FSHR: variants seen among roughly 807,000 people sequenced by gnomAD.
The protein encoded by FSHR is follicle stimulating hormone receptor.
In FSHR, 46 loss-of-function variants were observed where a neutral mutation model predicts 52.1. That is an observed-to-expected ratio of 0.88 (90% CI 0.70 to 1.13). FSHR has a LOEUF of 1.13. FSHR is among the 50% of genes most tolerant of loss of function. FSHR has a pLI of 0.00. For missense variants in FSHR, 964 were observed against 834.6 expected, an observed-to-expected ratio of 1.16 and a Z score of -1.91; for synonymous variants, 399 against 309.6, an observed-to-expected ratio of 1.29 and a Z score of -3.03.
intron 2 of FSHR, among the ~76,000 whole-genome samples, chr2:49,032,787 C>A (rs1378385715): frequency 6.6e-6 from 1 of 152,180 alleles, no homozygotes; most frequent in East Asian, 1.9e-4. Flanking sequence ...GCACGCAATG[C>A]AGCATACTGG....
At chr2:49,068,670 C>T (rs1007735700) in intron 1 of FSHR, among the ~76,000 whole-genome samples, 5 of 152,088 alleles carry the variant, frequency 3.3e-5, no homozygotes, top group African/African-American at 1.2e-4. Flanking sequence ...TTGTCATTCT[C>T]AGCTGACCTT....
intron 1 of FSHR, among the ~76,000 whole-genome samples, chr2:49,134,335 C>T (rs916183228): frequency 2.0e-5 from 3 of 152,196 alleles, no homozygotes; most frequent in African/African-American, 7.2e-5. Flanking sequence ...CACTGGCCAT[C>T]AGAGAAATGC....
chr2:49,046,150 A>G (rs1668645698), intron 2 of FSHR, among the ~76,000 whole-genome samples: 1 of 152,206 alleles, frequency 6.6e-6, no homozygotes, highest in South Asian at 2.1e-4. Context: ...GGTGTGGGAG[A>G]TTAATGAGCT....
chr2:49,058,249 A>T (rs888733578), intron 2 of FSHR, among the ~76,000 whole-genome samples: 1 of 152,144 alleles, frequency 6.6e-6, no homozygotes, highest in Non-Finnish European at 1.5e-5. Context: ...TAAATGACAT[A>T]TTATACATGG....
intron 1 of FSHR, among the ~76,000 whole-genome samples, chr2:49,131,976 A>G (rs1285502497): frequency 6.6e-6 from 1 of 151,980 alleles, no homozygotes; most frequent in Non-Finnish European, 1.5e-5. Flanking sequence ...TGCCCATCCT[A>G]TCCTTATGTT....
chr2:48,971,589 A>G (rs1674744226), intron 8 of FSHR, among the ~76,000 whole-genome samples: 1 of 152,156 alleles, frequency 6.6e-6, no homozygotes, highest in Non-Finnish European at 1.5e-5. Context: ...ATGTGTGTGT[A>G]TTTTATACAT....
intron 1 of FSHR, among the ~76,000 whole-genome samples, chr2:49,098,653 A>G (rs113301654): frequency 6.6e-6 from 1 of 150,878 alleles, no homozygotes. Context: ...CAGAGAAAGA[A>G]CATATTAAGA....
chr2:49,041,982 A>G (rs1306257977), intron 2 of FSHR, among the ~76,000 whole-genome samples: 1 of 152,116 alleles, frequency 6.6e-6, no homozygotes, highest in African/African-American at 2.4e-5. Context: ...TGTGTCTATA[A>G]GAAATACAAA....
intron 1 of FSHR, among the ~76,000 whole-genome samples, chr2:49,136,569 TAC>T (rs1672497039): frequency 6.6e-6 from 1 of 152,080 alleles, no homozygotes; most frequent in Non-Finnish European, 1.5e-5. Flanking sequence ...CAAGTAAAAC[TAC>T]AGACTAGTAT....
At chr2:49,089,769 T>C (rs1373403420) in intron 1 of FSHR, among the ~76,000 whole-genome samples, 1 of 152,168 alleles carries the variant, frequency 6.6e-6, no homozygotes, top group Admixed American at 6.5e-5. Flanking sequence ...ATCTAAAAAA[T>C]AAATATTCCT....
intron 2 of FSHR, among the ~76,000 whole-genome samples, chr2:49,024,700 C>A (rs540373123): frequency 6.6e-6 from 1 of 152,276 alleles, no homozygotes; most frequent in East Asian, 1.9e-4. Context: ...CCTCCCCTGC[C>A]TTTCTCTTCA....
intron 4 of FSHR, among the ~76,000 whole-genome samples, chr2:49,003,135 G>A (rs572749391): frequency 2.0e-5 from 3 of 152,202 alleles, no homozygotes; most frequent in East Asian, 1.9e-4. Context: ...ACATTTTTGC[G>A]ATGTCTGTTG....
chr2:49,130,572 A>C (rs1476049269), intron 1 of FSHR, among the ~76,000 whole-genome samples: 3 of 152,232 alleles, frequency 2.0e-5, no homozygotes, highest in Non-Finnish European at 4.4e-5. Flanking sequence ...TCATTTATTC[A>C]AAGATATCTC....
chr2:48,970,441 C>G (rs1048884760), intron 8 of FSHR, among the ~76,000 whole-genome samples: 5 of 152,160 alleles, frequency 3.3e-5, no homozygotes, highest in Admixed American at 1.3e-4. Flanking sequence ...TTGAGATACT[C>G]TCTTTCTTGG....
At chr2:49,057,279 G>GA (rs1171817338) in intron 2 of FSHR, among the ~76,000 whole-genome samples, 1 of 151,832 alleles carries the variant, frequency 6.6e-6, no homozygotes, top group Admixed American at 6.6e-5. Flanking sequence ...GCTAGACTAA[G>GA]AAAAAATGGG....
chr2:48,966,350 C>A (rs992601542), intron 9 of FSHR, among the ~76,000 whole-genome samples: 11 of 151,994 alleles, frequency 7.2e-5, no homozygotes, highest in African/African-American at 2.7e-4. Flanking sequence ...TGTGAAGAAA[C>A]ACAATTTTTA....
At chr2:49,152,514 C>T (rs575867116) in intron 1 of FSHR, among the ~76,000 whole-genome samples, 18 of 151,624 alleles carry the variant, frequency 1.2e-4, no homozygotes, top group African/African-American at 4.3e-4. Context: ...TTCTCTTTTT[C>T]CCTTTTTCCC....
At chr2:49,056,355 C>G (rs1270510065) in intron 2 of FSHR, among the ~76,000 whole-genome samples, 1 of 150,396 alleles carries the variant, frequency 6.6e-6, no homozygotes, top group Non-Finnish European at 1.5e-5. Context: ...ATCAGAAAAA[C>G]AGACTTAAGT....
At chr2:49,014,013 T>C (rs1249268846) in intron 4 of FSHR, among the ~76,000 whole-genome samples, 3 of 152,042 alleles carry the variant, frequency 2.0e-5, no homozygotes. Context: ...AAGATGGCTG[T>C]CTGTAACCCA....
Sources: allele counts gnomAD v4.1 joint callset (sites outside exome capture counted in the v4.1 genomes callset), GRCh38; gene constraint gnomAD v4.1.1; transcripts MANE v1.5; gene names NCBI Gene and HGNC (gene_info 2026-07-23, HGNC 2026-07-21).